Variants in TTC39B observed in about 807,000 individuals in gnomAD.
TTC39B encodes the protein tetratricopeptide repeat domain 39B.
In TTC39B, 92 loss-of-function variants were observed where a neutral mutation model predicts 96.6. That is an observed-to-expected ratio of 0.95 (90% CI 0.80 to 1.13). The LOEUF is 1.13. Ranked by LOEUF, TTC39B falls within the 50% of genes most tolerant of loss-of-function variation. The probability of loss-of-function intolerance (pLI) is 0.00; values close to 1 mark genes in which losing one functional copy is unlikely to be tolerated. For synonymous variants in TTC39B, 367 were observed against 299.4 expected (o/e 1.23, Z -2.33); for missense variants, 955 against 809.3 (o/e 1.18, Z -2.18).
rs192024833 is a variant in TTC39B, at chr9:15,280,229, A to G, written c.241-12281T>C. Among the ~76,000 whole-genome samples the G allele has an allele frequency of 3.6e-3, 551 of 152,292 alleles. 1 individual carries two copies. Among genetic ancestry groups the G allele is most frequent in the Non-Finnish European group, 5.2e-3 (352 of 68,002 alleles). ...TAAAGTGCTATTGAAACACAGCCAC[A>G]ACTCAATCAATTGACATATTGTCTA... is the stretch of plus-strand genomic sequence containing the variant. On this transcript the variant is annotated intron_variant, in intron 1 of 19. Coordinates refer to ENST00000512701, the Ensembl canonical transcript of TTC39B.
rs367998453 is a variant in TTC39B, at chr9:15,228,187, G to A, written c.276-2175C>T. The stretch of plus-strand genomic sequence containing the variant: ...CAAAGTGCTAAAATAATTGGGACTG[G>A]GCACGCTGGCTCATGCCTGTAATCC... On this transcript the variant is annotated intron_variant, in intron 2 of 19. Transcript: ENST00000512701. Among the ~76,000 whole-genome samples the A allele has an allele frequency of 1.1e-4, 16 of 152,232 alleles. No individual in the cohort carries two copies. The East Asian group carries it at 1.7e-3, about 17-fold the overall frequency.
intron 2 of TTC39B, among the ~76,000 whole-genome samples, chr9:15,267,468 T>A (rs569642188): frequency 6.6e-6 from 1 of 152,358 alleles, no homozygotes; most frequent in African/African-American, 2.4e-5. Flanking sequence ...ACAACCTAAA[T>A]GTCTAACAAT....
chr9:15,282,478 G>A (rs529240121), intron 1 of TTC39B, among the ~76,000 whole-genome samples: 2 of 152,280 alleles, frequency 1.3e-5, no homozygotes, highest in African/African-American at 4.8e-5. Context: ...CTCTTAGCAC[G>A]TACTCTTAAC....
At chr9:15,218,397 A>T (rs1820643853) in intron 3 of TTC39B, among the ~76,000 whole-genome samples, 1 of 152,092 alleles carries the variant, frequency 6.6e-6, no homozygotes, top group South Asian at 2.1e-4. Flanking sequence ...CTGCAGAAGC[A>T]AAGGCAATGG....
At chr9:15,270,590 T>A (rs1823307999) in intron 1 of TTC39B, among the ~76,000 whole-genome samples, 1 of 146,968 alleles carries the variant, frequency 6.8e-6, no homozygotes. Context: ...AAACAAGAAG[T>A]ATTCCCACCC....
chr9:15,185,570 T>C, intron 15 of TTC39B, 164 bp from the exon 16 acceptor site: 5 of 1,050,346 alleles, frequency 4.8e-6, no homozygotes, highest in South Asian at 3.4e-5. Flanking sequence ...CTAGACCTAC[T>C]GAATCAGCAA....
intron 8 of TTC39B, among the ~76,000 whole-genome samples, chr9:15,196,382 C>T (rs1431829955): frequency 6.6e-6 from 1 of 152,184 alleles, no homozygotes; most frequent in Non-Finnish European, 1.5e-5. Flanking sequence ...ATTCATCATT[C>T]TACCTATCAT....
chr9:15,251,998 G>A (rs1822578766), intron 2 of TTC39B, among the ~76,000 whole-genome samples: 1 of 151,804 alleles, frequency 6.6e-6, no homozygotes, highest in African/African-American at 2.4e-5. Flanking sequence ...CAGTCCAGTT[G>A]GGGAGCCAGA....
chr9:15,230,020 A>T (rs1484250724), intron 2 of TTC39B, among the ~76,000 whole-genome samples: 1 of 152,210 alleles, frequency 6.6e-6, no homozygotes, highest in Non-Finnish European at 1.5e-5. Context: ...ACATTTATTC[A>T]GGTCTTCTCT....
chr9:15,275,681 G>A (rs1372858014), intron 1 of TTC39B, among the ~76,000 whole-genome samples: 1 of 152,102 alleles, frequency 6.6e-6, no homozygotes, highest in Non-Finnish European at 1.5e-5. Flanking sequence ...GAGCTTGGTG[G>A]GGAAGGAATT....
chr9:15,169,348 T>C (rs1411447803), exon 20 of TTC39B: 2 of 152,184 alleles, frequency 1.3e-5, no homozygotes, highest in Non-Finnish European at 2.9e-5. Context: ...TCATTCCTTG[T>C]CAGGGGGAAA....
intron 2 of TTC39B, among the ~76,000 whole-genome samples, chr9:15,262,150 G>A (rs913008320): frequency 6.6e-6 from 1 of 152,056 alleles, no homozygotes; most frequent in African/African-American, 2.4e-5. Context: ...CCAGGCTGGA[G>A]TGCAGTGGCA....
intron 2 of TTC39B, among the ~76,000 whole-genome samples, chr9:15,261,845 C>A (rs1338484418): frequency 1.3e-5 from 2 of 152,198 alleles, no homozygotes; most frequent in East Asian, 3.8e-4. Context: ...ATACCCACCA[C>A]TACATTGTCA....
At chr9:15,240,420 G>A (rs747102667) in intron 2 of TTC39B, among the ~76,000 whole-genome samples, 1 of 152,108 alleles carries the variant, frequency 6.6e-6, no homozygotes, top group South Asian at 2.1e-4. Context: ...TTCTTACAAA[G>A]CCTTCCTCAA....
chr9:15,225,817 T>C, intron 3 of TTC39B, 100 bp downstream of exon 3: 1 of 1,077,938 alleles, frequency 9.3e-7, no homozygotes, highest in Non-Finnish European at 1.3e-6. Flanking sequence ...CTCATTGGTT[T>C]GTCAAACGCA....
Position 15,201,410 on chromosome 9 carries a change from G to A in TTC39B, c.760-1485C>T, listed in dbSNP as rs145113403. ...CAAGCACGGGGAGGGAGCCATGCAC[G>A]GGGACGGGATCATGCATGGGATGTC... On this transcript the variant is annotated intron_variant, in intron 7 of 19. Transcript: ENST00000512701. 2.8e-4 allele frequency among the ~76,000 whole-genome samples: 43 copies of A among 152,266 alleles called. 1 individual carries two copies. Among genetic ancestry groups the A allele is most frequent in the South Asian group, 4.1e-4 (2 of 4,820 alleles).
At chr9:15,264,926 G>A (rs1478484813) in intron 2 of TTC39B, among the ~76,000 whole-genome samples, 1 of 151,958 alleles carries the variant, frequency 6.6e-6, no homozygotes, top group East Asian at 1.9e-4. Flanking sequence ...ATCTAACTCG[G>A]TTGAACAAAA....
intron 16 of TTC39B, among the ~76,000 whole-genome samples, chr9:15,184,994 T>C (rs1210210907): frequency 1.3e-5 from 2 of 152,206 alleles, no homozygotes; most frequent in Admixed American, 1.3e-4. Flanking sequence ...CTAAATTTCT[T>C]CACTAAAAAA....
chr9:15,191,440 G>C (rs1818851084), intron 9 of TTC39B, among the ~76,000 whole-genome samples, 185 bp from the exon 10 acceptor site: 1 of 152,196 alleles, frequency 6.6e-6, no homozygotes, highest in Non-Finnish European at 1.5e-5. Context: ...ATTTAGCTAA[G>C]ACAAGGAACC....
Sources: gnomAD v4.1 joint callset for allele counts (sites outside exome capture counted in the v4.1 genomes callset) on GRCh38, gnomAD v4.1.1 for gene constraint, MANE v1.5 for transcripts, NCBI Gene and HGNC (gene_info 2026-07-23, HGNC 2026-07-21) for gene names.